The following TTBK1 variants were observed in gnomAD, a reference collection of about 807,000 sequenced individuals.
The protein encoded by TTBK1 is tau tubulin kinase 1.
Under a neutral mutation model 108.5 loss-of-function variants are expected in TTBK1, and 34 were observed. The observed-to-expected ratio is 0.31, with a 90% CI of 0.24 to 0.42. TTBK1 has a LOEUF of 0.42. TTBK1 is among the 10% of genes least tolerant of loss of function. The pLI is 1.00. For missense variants in TTBK1, 1,539 were observed against 1,826.0 expected (o/e 0.84, Z 2.86); for synonymous variants, 809 against 795.1 (o/e 1.02, Z -0.29).
intron 7 of TTBK1, 68 bp from the exon 8 acceptor site, chr6:43,255,484 A>C: frequency 7.0e-7 from 1 of 1,419,104 alleles, no homozygotes; most frequent in Non-Finnish European, 9.7e-7. Context: ...CCCCTCAGAG[A>C]AGGGTCAGCC....
At chr6:43,272,855 TCAAGATTGATACCCTGCTTG>T (rs560836740) in intron 13 of TTBK1, among the ~76,000 whole-genome samples, 2 of 152,280 alleles carry the variant, frequency 1.3e-5, no homozygotes, top group East Asian at 3.9e-4. Context: ...CCAGAATGTT[TCAAGATTGATACCCTGCTTG>T]GGGAAAGCGT....
At chr6:43,258,275 A>T (rs1465586750) in intron 10 of TTBK1, among the ~76,000 whole-genome samples, 1 of 152,178 alleles carries the variant, frequency 6.6e-6, no homozygotes, top group Non-Finnish European at 1.5e-5. Context: ...TTTAACAGCC[A>T]TGTCCTGAGG....
chr6:43,283,110 T>C lies in TTBK1; in HGVS notation c.2370T>C (p.Ser790=). The change falls in exon 14 of 15, where the codon AGT becomes AGC. Residue 790 remains serine (S), a synonymous_variant. Coordinates refer to ENST00000259750, the MANE Select transcript of TTBK1 (RefSeq NM_032538.3). This position sits in a 1 kb window ranked among gnomAD's most constrained non-coding sequence, Gnocchi z 8.1. ...TGGGGCCTCGTAGTGGCTCCAGCAG[T>C]GAGGGGAGTGAGAGGAGCACTGACC... ...EVLGPRSGSS[S]EGSERSTDRS... 1 of 1,577,210 alleles carries C rather than the reference T, an allele frequency of 6.3e-7. No homozygotes were observed.
chr6:43,284,463 G>C, intron 14 of TTBK1, 151 bp downstream of exon 14: 1 of 1,356,526 alleles, frequency 7.4e-7, no homozygotes, highest in Non-Finnish European at 9.6e-7. Context: ...ACTGTGCTCT[G>C]CCTCACTCTG....
rs1179513851 is a variant in TTBK1, at chr6:43,282,812, A to G, written c.2072A>G (p.Asp691Gly). Reference protein sequence around the residue: ...LSLPYQDFKRDLSDYRERARL... With the variant: ...LSLPYQDFKRGLSDYRERARL... ...CTGCCCTACCAGGACTTCAAAAGAG[A>G]CCTCTCCGATTACCGAGAACGGGCG... Residue 691 changes from aspartate to glycine, a missense_variant, in exon 14 of 15, where the codon GAC becomes GGC. This residue lies in a region of TTBK1 where 1,055 missense variants were observed against 1,086.5 expected (regional missense o/e 0.97). Transcript: ENST00000259750. This position sits in a 1 kb window ranked among gnomAD's most constrained non-coding sequence, Gnocchi z 5.4. 3.7e-6 allele frequency: 6 copies of G among 1,612,092 alleles called. No homozygotes were observed. Among genetic ancestry groups the G allele is most frequent in the Non-Finnish European group, 5.1e-6 (6 of 1,179,526 alleles).
In TTBK1 at chr6:43,285,152, TC is replaced by T; in HGVS notation, c.3748del (p.Arg1250GlyfsTer133). 16 of 1,424,904 alleles carry T rather than the reference TC, an allele frequency of 1.1e-5. No homozygotes were observed. The highest frequency in any genetic ancestry group is 4.5e-5 in the South Asian group (3 of 66,912). 88.3% of individuals were successfully genotyped at this position (1,424,904 alleles called of 1,614,324 possible). A position where few individuals can be genotyped will look rare whatever the true frequency, so the allele number is the denominator to read the frequency against. Reference protein sequence around the residue: ...STSAARNASASPRSQSLSRRE... With the variant: ...STSAARNASAXPRSQSLSRRE... ...ATCCGCCGCGCGCAATGCCAGCGCG[TC>T]CCCCCGGAGCCAGTCCCTGTCCCGC... On this transcript the variant is annotated frameshift_variant, in exon 15 of 15. Coordinates refer to ENST00000259750, the MANE Select transcript of TTBK1 (RefSeq NM_032538.3). LOFTEE classifies it high-confidence loss of function. This position sits in a 1 kb window ranked among gnomAD's most constrained non-coding sequence, Gnocchi z 4.7.
rs2150697895 is a variant in TTBK1, at chr6:43,265,342, C to G, written c.1986+1992C>G. Among the ~76,000 whole-genome samples, 1 of 152,306 alleles carries G rather than the reference C, an allele frequency of 6.6e-6. No individual in the cohort carries two copies. The highest frequency in any genetic ancestry group is 2.1e-4 in the South Asian group (1 of 4,830). On this transcript the variant is annotated intron_variant, in intron 13 of 14. Transcript: ENST00000259750. This position sits in a 1 kb window ranked among gnomAD's most constrained non-coding sequence, Gnocchi z 4.1. ...CTGTGGGCAGGAGTGTATGCAGACCCCATCCCTATCTAGAGGTCCCTTCTA... is the reference window on the plus strand; with the variant it reads ...CTGTGGGCAGGAGTGTATGCAGACCGCATCCCTATCTAGAGGTCCCTTCTA...
At chr6:43,258,002 T>G in intron 10 of TTBK1, 36 bp downstream of exon 10, 1 of 1,599,364 alleles carries the variant, frequency 6.3e-7, no homozygotes, top group Non-Finnish European at 8.5e-7. Context: ...AGCCCCTGCC[T>G]GGAGCTGTTA....
rs1204763201 is a variant in TTBK1, at chr6:43,259,286, C to T, written c.1248+17C>T. 9 of 1,537,896 alleles carry T rather than the reference C, an allele frequency of 5.9e-6. No individual in the cohort carries two copies. Among genetic ancestry groups the T allele is most frequent in the African/African-American group, 2.8e-5 (2 of 72,698 alleles). On this transcript the variant is annotated intron_variant, in intron 11 of 14. Coordinates refer to ENST00000259750, the MANE Select transcript of TTBK1 (RefSeq NM_032538.3). This position sits in a 1 kb window ranked among gnomAD's most constrained non-coding sequence, Gnocchi z 6.7. Reference sequence around the variant, plus strand: ...ATCGGCAAAGTAACTGCCGCCAGGGCGAAGGGCGTGGGTGGCCTTTTCTCT... The same window carrying T: ...ATCGGCAAAGTAACTGCCGCCAGGGTGAAGGGCGTGGGTGGCCTTTTCTCT...
intron 13 of TTBK1, chr6:43,270,765 G>A (rs763920827): frequency 2.2e-4 from 219 of 985,482 alleles, no homozygotes; most frequent in Non-Finnish European, 2.4e-4. Context: ...CTGGAACTGA[G>A]CAACGAGGAG....
chr6:43,253,388 G>T lies in TTBK1; in HGVS notation c.330+24G>T. The T allele has an allele frequency of 6.2e-7, 1 of 1,613,024 alleles. No homozygotes were observed. The highest frequency in any genetic ancestry group is 8.5e-7 in the Non-Finnish European group (1 of 1,179,206). On this transcript the variant is annotated intron_variant, in intron 4 of 14. Coordinates refer to ENST00000259750, the MANE Select transcript of TTBK1 (RefSeq NM_032538.3). The surrounding 1 kb of genome is among the most constrained non-coding windows in gnomAD (Gnocchi z 5.8). ...AGGTGAGTCCCCGTGGCCCATCCTC[G>T]CTCCCCTCTCTAAGAGCTTGGGCTG...
At position 43,284,199 on chromosome 6, in the gene TTBK1, G is replaced by A; in HGVS notation, c.3459G>A (p.Arg1153=). Residue 1153 remains arginine (R), a synonymous_variant, in exon 14 of 15, where the codon AGG becomes AGA. Transcript: ENST00000259750. ...PRKSGRAAAT[R]SRIPRPIGLR... The stretch of plus-strand genomic sequence containing the variant: ...AGAGCGGGAGGGCAGCCGCCACCAG[G>A]AGCCGGATTCCCCGCCCCATTGGCC... 1.9e-6 allele frequency: 3 copies of A among 1,582,148 alleles called. No homozygotes were observed. Among genetic ancestry groups the A allele is most frequent in the African/African-American group, 1.3e-5 (1 of 74,694 alleles).
intron 13 of TTBK1, among the ~76,000 whole-genome samples, chr6:43,274,943 G>A (rs886913158): frequency 3.3e-5 from 5 of 152,102 alleles, no homozygotes; most frequent in African/African-American, 9.7e-5. Context: ...AACCTTCCTA[G>A]ACTCTCCTCC....
chr6:43,255,638 G>A lies in TTBK1; in HGVS notation c.729G>A (p.Lys243=). 1.9e-6 allele frequency: 3 copies of A among 1,614,096 alleles called. No homozygotes were observed. The highest frequency in any genetic ancestry group is 2.5e-6 in the Non-Finnish European group (3 of 1,180,008). The change falls in exon 8 of 15, where the codon AAG becomes AAA. Residue 243 remains lysine (K), a synonymous_variant. Coordinates refer to ENST00000259750, the MANE Select transcript of TTBK1 (RefSeq NM_032538.3). ...GCCAGCTGCCCTGGAGGAAGATCAA[G>A]GACAAGGTGAGCCCCAGGCAGCTGG... ...AVGQLPWRKI[K]DKEQVGMIKE...
In TTBK1 at chr6:43,253,558, C is replaced by T; in HGVS notation, c.331-10C>T. 6.2e-7 allele frequency: 1 copy of T among 1,601,486 alleles called. No homozygotes were observed. The highest frequency in any genetic ancestry group is 8.5e-7 in the Non-Finnish European group (1 of 1,173,768). On this transcript the variant is annotated splice_polypyrimidine_tract_variant and intron_variant, in intron 4 of 14. Coordinates refer to ENST00000259750, the MANE Select transcript of TTBK1 (RefSeq NM_032538.3). This position sits in a 1 kb window ranked among gnomAD's most constrained non-coding sequence, Gnocchi z 5.8. ...GGGTGAGTCTACCCCCCACCTCCAC[C>T]CCCATGCAGGGCCGGAACCTGGCCG...
intron 2 of TTBK1, among the ~76,000 whole-genome samples, chr6:43,252,082 A>C (rs545217533): frequency 6.6e-6 from 1 of 152,048 alleles, no homozygotes. Context: ...TAGAGAAGAA[A>C]AGGTCAAGGG....
chr6:43,265,479 C>T lies in TTBK1; in HGVS notation c.1986+2129C>T, dbSNP rs1777651698. On this transcript the variant is annotated intron_variant, in intron 13 of 14. Transcript: ENST00000259750. The surrounding 1 kb of genome is among the most constrained non-coding windows in gnomAD (Gnocchi z 4.1). ...GCCCGTGAGTCCTCACCCAGAGAGG[C>T]CCTAGCTGGCCTGAGTTGGAGGAGC... 6.6e-6 allele frequency among the ~76,000 whole-genome samples: 1 copy of T among 152,208 alleles called. No homozygotes were observed. The highest frequency in any genetic ancestry group is 2.4e-5 in the African/African-American group (1 of 41,448).
rs1487757445 is a variant in TTBK1, at chr6:43,283,347, T to G, written c.2607T>G (p.His869Gln). 6 of 1,591,696 alleles carry G rather than the reference T, an allele frequency of 3.8e-6. 1 individual carries two copies. The African/African-American group carries it at 5.4e-5, about 14-fold the overall frequency. ...CCCTGGCTGCCCTCACTCCTCAGCA[T>G]GAGCGGCCCCAGCCCACGGGCAGCC... Reference protein sequence around the residue: ...LGTLAALTPQHERPQPTGSQL... With the variant: ...LGTLAALTPQQERPQPTGSQL... The change falls in exon 14 of 15, where the codon CAT becomes CAG. Residue 869 changes from histidine to glutamine, a missense_variant. Physicochemically the swap from His to Gln is conservative, Grantham distance 24 (BLOSUM62 0). Coordinates refer to ENST00000259750, the MANE Select transcript of TTBK1 (RefSeq NM_032538.3). This position sits in a 1 kb window ranked among gnomAD's most constrained non-coding sequence, Gnocchi z 8.1.
chr6:43,258,130 C>T (rs190437031), intron 10 of TTBK1, among the ~76,000 whole-genome samples, 164 bp downstream of exon 10: 1 of 152,308 alleles, frequency 6.6e-6, no homozygotes, highest in African/African-American at 2.4e-5. Flanking sequence ...TCTCCACCCT[C>T]AATCTGAGCA....
Sources: allele counts gnomAD v4.1 joint callset (sites outside exome capture counted in the v4.1 genomes callset), GRCh38; gene constraint gnomAD v4.1.1; regional missense constraint gnomAD v4.1.1; non-coding constraint Gnocchi (gnomAD v3.1); transcripts MANE v1.5; gene names NCBI Gene and HGNC (gene_info 2026-07-23, HGNC 2026-07-21).